TLE3: variants seen among roughly 807,000 people sequenced by gnomAD.
TLE3 encodes the protein TLE family member 3, transcriptional corepressor, also known as transducin-like enhancer protein 3.
Under a neutral mutation model 93.0 loss-of-function variants are expected in TLE3, and 14 were observed. The observed-to-expected ratio is 0.15, with a 90% CI of 0.10 to 0.24. The LOEUF is 0.24. Ranked by LOEUF, TLE3 falls within the 10% of genes least tolerant of loss-of-function variation. The pLI is 1.00. For missense variants in TLE3, 693 were observed against 1,046.6 expected, an observed-to-expected ratio of 0.66 and a Z score of 4.66; for synonymous variants, 451 against 425.0, an observed-to-expected ratio of 1.06 and a Z score of -0.75.
intron 8 of TLE3, among the ~76,000 whole-genome samples, chr15:70,062,322 C>A (rs1219405752): frequency 6.6e-6 from 1 of 152,190 alleles, no homozygotes; most frequent in African/African-American, 2.4e-5. Flanking sequence ...GGTGGCCACC[C>A]TGTGCTAAGC....
intron 8 of TLE3, among the ~76,000 whole-genome samples, chr15:70,062,809 G>A (rs931186743): frequency 2.6e-5 from 4 of 152,132 alleles, no homozygotes; most frequent in Admixed American, 2.6e-4. Flanking sequence ...GCACAGCCTC[G>A]GCCCTGCCCA....
chr15:70,064,286 A>G (rs1401877062), intron 8 of TLE3, among the ~76,000 whole-genome samples, 168 bp downstream of exon 8: 1 of 152,198 alleles, frequency 6.6e-6, no homozygotes, highest in Non-Finnish European at 1.5e-5. Flanking sequence ...AGCAAGAGTA[A>G]ACAAACAACA....
intron 4 of TLE3, among the ~76,000 whole-genome samples, chr15:70,089,839 C>T (rs2058223737): frequency 6.6e-6 from 1 of 152,156 alleles, no homozygotes; most frequent in South Asian, 2.1e-4. Flanking sequence ...ACTCCTTCAA[C>T]AAAATGGAAA....
intron 4 of TLE3, among the ~76,000 whole-genome samples, chr15:70,085,449 T>C (rs973845481): frequency 6.6e-6 from 1 of 152,198 alleles, no homozygotes; most frequent in Non-Finnish European, 1.5e-5. Flanking sequence ...GTAGGCCCAA[T>C]GGGCATTCAA....
At chr15:70,077,721 G>C (rs932454585) in intron 4 of TLE3, among the ~76,000 whole-genome samples, 6 of 152,344 alleles carry the variant, frequency 3.9e-5, no homozygotes, top group African/African-American at 1.4e-4. Flanking sequence ...GCAGGGAGAG[G>C]ATCAGGAATC....
intron 6 of TLE3, 165 bp downstream of exon 6, chr15:70,074,368 C>CA: frequency 1.4e-6 from 1 of 739,268 alleles, no homozygotes; most frequent in East Asian, 3.1e-5. Flanking sequence ...AAGGGGGAAA[C>CA]AGCCCTACAT....
chr15:70,062,143 A>G (rs1450747042), intron 8 of TLE3, among the ~76,000 whole-genome samples: 2 of 152,234 alleles, frequency 1.3e-5, no homozygotes, highest in African/African-American at 4.8e-5. Flanking sequence ...TTAAAATGGC[A>G]GAGTTATCAA....
At chr15:70,056,940 G>A (rs1455671301) in intron 13 of TLE3, among the ~76,000 whole-genome samples, 1 of 152,136 alleles carries the variant, frequency 6.6e-6, no homozygotes, top group Non-Finnish European at 1.5e-5. Context: ...GTAGAGATGA[G>A]GTTTCACCAC....
chr15:70,095,527 C>T (rs1360131741), intron 3 of TLE3, 51 bp downstream of exon 3: 5 of 1,546,742 alleles, frequency 3.2e-6, no homozygotes, highest in African/African-American at 2.7e-5. Context: ...GCCGCGCCCC[C>T]GGCCGGGGTC....
chr15:70,087,720 A>G (rs915135037), intron 4 of TLE3, among the ~76,000 whole-genome samples: 1 of 152,216 alleles, frequency 6.6e-6, no homozygotes, highest in African/African-American at 2.4e-5. Context: ...GGCCCCACAG[A>G]TGGGAAGTTG....
chr15:70,079,545 CA>C (rs1350772778), intron 4 of TLE3: 1 of 399,430 alleles, frequency 2.5e-6, no homozygotes, highest in East Asian at 1.1e-4. Context: ...GGTCTCCCCA[CA>C]AAGTGGAAGC....
Position 70,048,707 on chromosome 15 carries a change from G to A in TLE3, c.*1390C>T, listed in dbSNP as rs2055269846. On this transcript the variant is annotated 3_prime_UTR_variant, in exon 20 of 20. Coordinates refer to ENST00000451782, the MANE Select transcript of TLE3 (RefSeq NM_001105192.3). ...AATCCTAACACCTCAGAACATGTTG[G>A]TACCAAAAGGTGGCACCTGCCAGAG... The A allele has an allele frequency of 6.6e-6, 1 of 151,680 alleles. No individual in the cohort carries two copies. Among genetic ancestry groups the A allele is most frequent in the African/African-American group, 2.4e-5 (1 of 41,312 alleles). 9.4% of individuals were successfully genotyped at this position (151,680 alleles called of 1,614,324 possible).
chr15:70,064,732 G>A (rs531803524), intron 7 of TLE3, among the ~76,000 whole-genome samples: 14 of 152,204 alleles, frequency 9.2e-5, no homozygotes, highest in African/African-American at 3.4e-4. Context: ...GGTGGGCAAG[G>A]GAGGCCCAGT....
At chr15:70,064,904 T>TA (rs36022217) in intron 7 of TLE3, among the ~76,000 whole-genome samples, 32,584 of 137,762 alleles carry the variant, frequency 0.24, 3,889 homozygotes, top group East Asian at 0.33. Context: ...ACTTTATTGT[T>TA]AAAAAAAAAA....
intron 8 of TLE3, among the ~76,000 whole-genome samples, chr15:70,062,665 C>A (rs1271254758): frequency 6.6e-6 from 1 of 152,188 alleles, no homozygotes. Flanking sequence ...AGCCCGTCCC[C>A]CCATCCCCCC....
At position 70,056,320 on chromosome 15, in the gene TLE3, C is replaced by T. The variant is rs764899809; in HGVS notation, c.1306G>A (p.Ala436Thr). The T allele has an allele frequency of 1.5e-5, 25 of 1,613,764 alleles. No individual in the cohort carries two copies. The highest frequency in any genetic ancestry group is 1.6e-4 in the Middle Eastern group (1 of 6,062). ...MRATGLPSSL[A>T]SIPGGKPAYS... is the part of the protein sequence containing the mutation. ...TACGGTTTTCCTCCAGGAATGGAGG[C>T]CAGGCTTGAGGGGAGGCCTGTGGCC... is the stretch of plus-strand genomic sequence containing the variant. The change falls in exon 14 of 20, where the codon GCC (alanine) becomes ACC (threonine). Residue 436 changes from alanine (A) to threonine (T), a missense_variant. Physicochemically the swap from Ala to Thr is moderately conservative, Grantham distance 58 (BLOSUM62 0). Around this residue, in one of 4 missense-constraint regions of TLE3, gnomAD observed 405 missense variants for 468.9 expected, o/e 0.86. Coordinates refer to ENST00000451782, the MANE Select transcript of TLE3 (RefSeq NM_001105192.3).
In TLE3 at chr15:70,096,909, A is replaced by C. The variant is rs780868529; in HGVS notation, c.-111T>G. The C allele has an allele frequency of 4.8e-5, 59 of 1,238,882 alleles. No individual in the cohort carries two copies. In the African/African-American group the frequency reaches 8.3e-4, roughly 17 times the overall value. 76.7% of individuals were successfully genotyped at this position (1,238,882 alleles called of 1,614,324 possible). On this transcript the variant is annotated 5_prime_UTR_variant, in exon 1 of 20. Transcript: ENST00000451782. Reference sequence around the variant, plus strand: ...AGCGGGGGGCGGCCGGGAAACCGAGAGCTCGCCCCCGGCCCCCCCAGCTCG... The same window carrying C: ...AGCGGGGGGCGGCCGGGAAACCGAGCGCTCGCCCCCGGCCCCCCCAGCTCG...
At chr15:70,064,546 G>A (rs1238605862) in intron 7 of TLE3, 76 bp from the exon 8 acceptor site, 1 of 1,593,872 alleles carries the variant, frequency 6.3e-7, no homozygotes, top group Non-Finnish European at 8.6e-7. Context: ...AAGGAAAAAG[G>A]TCAGTCTAAG....
intron 2 of TLE3, 196 bp from the exon 3 acceptor site, chr15:70,095,837 T>C (rs1393217045): frequency 3.0e-6 from 2 of 669,354 alleles, no homozygotes; most frequent in African/African-American, 1.8e-5. Flanking sequence ...AATTCGAAAC[T>C]TCCCGCGAGC....
Sources: gnomAD v4.1 joint callset for allele counts (sites outside exome capture counted in the v4.1 genomes callset) on GRCh38, gnomAD v4.1.1 for gene constraint, gnomAD v4.1.1 regional missense constraint, MANE v1.5 for transcripts, NCBI Gene and HGNC (gene_info 2026-07-23, HGNC 2026-07-21) for gene names.